GABRR3: variants seen among roughly 807,000 people sequenced by gnomAD.
GABRR3 encodes the protein gamma-aminobutyric acid receptor subunit rho-3.
Under a neutral mutation model 43.2 loss-of-function variants are expected in GABRR3, and 29 were observed. That is an observed-to-expected ratio of 0.67 (90% CI 0.50 to 0.92). The LOEUF (loss-of-function observed/expected upper bound fraction) is 0.92. GABRR3 is among the 40% of genes least tolerant of loss of function. GABRR3 has a pLI of 0.00. For synonymous variants in GABRR3, 206 were observed against 195.9 expected (o/e 1.05, Z -0.43); for missense variants, 576 against 572.3 (o/e 1.01, Z -0.07).
At chr3:98,030,117 A>C (rs1035246413) in intron 2 of GABRR3, among the ~76,000 whole-genome samples, 2 of 149,326 alleles carry the variant, frequency 1.3e-5, no homozygotes, top group African/African-American at 2.4e-5. Flanking sequence ...TGTCTTGGAA[A>C]AAAAAAAAAA....
chr3:98,027,071 C>G (rs992675606), intron 2 of GABRR3, among the ~76,000 whole-genome samples: 2 of 152,080 alleles, frequency 1.3e-5, no homozygotes, highest in Non-Finnish European at 2.9e-5. Context: ...TGAACACATA[C>G]AACTAGTTTT....
intron 7 of GABRR3, among the ~76,000 whole-genome samples, chr3:98,007,178 C>A (rs754973418): frequency 6.6e-6 from 1 of 152,030 alleles, no homozygotes; most frequent in Admixed American, 6.6e-5. Context: ...CTGTTTTACA[C>A]GGGGTTGGTT....
chr3:98,012,515 G>GAA lies in GABRR3; in HGVS notation c.358_359insTT (p.Ser120PhefsTer11). ...GCTTTTGTTTGCTGTGCTAGGAAAG[G>GAA]AGAGCCTCTCGTCTTTCCAGTAATG... is the stretch of plus-strand genomic sequence containing the variant. On this transcript the variant is annotated frameshift_variant, in exon 5 of 10. Coordinates refer to ENST00000621172, the Ensembl canonical transcript of GABRR3. LOFTEE classifies it high-confidence loss of function. 2 of 1,613,966 alleles carry GAA rather than the reference G, an allele frequency of 1.2e-6. No individual in the cohort carries two copies. The highest frequency in any genetic ancestry group is 1.7e-6 in the Non-Finnish European group (2 of 1,179,870).
intron 7 of GABRR3, among the ~76,000 whole-genome samples, chr3:98,002,469 A>G (rs1165190998): frequency 6.6e-6 from 1 of 152,196 alleles, no homozygotes; most frequent in East Asian, 1.9e-4. Context: ...CCCATTGACT[A>G]CAAGGAAGTT....
chr3:98,007,077 C>A (rs148909955), intron 7 of GABRR3, among the ~76,000 whole-genome samples: 82 of 152,166 alleles, frequency 5.4e-4, no homozygotes, highest in African/African-American at 1.9e-3. Flanking sequence ...CCTGGTGAGG[C>A]ACTCACACAA....
In GABRR3 at chr3:98,011,656, G is replaced by A. The variant is rs562076596; in HGVS notation, c.530+688C>T. On this transcript the variant is annotated intron_variant, in intron 5 of 9. Coordinates refer to ENST00000621172, the Ensembl canonical transcript of GABRR3. ...ATATGATAAGCTTCACAGGTTCCAG[G>A]AATTAGGACATGGATATCTTTTGGG... 5.9e-5 allele frequency among the ~76,000 whole-genome samples: 9 copies of A among 151,882 alleles called. No individual in the cohort carries two copies. In the East Asian group the frequency reaches 1.5e-3, roughly 26 times the overall value.
chr3:98,007,812 T>C (rs746122410), exon 7 of GABRR3: 4 of 1,613,546 alleles, frequency 2.5e-6, no homozygotes, highest in African/African-American at 1.3e-5. Context: ...AAGTCTTCAA[T>C]GAAGAACTGA....
intron 2 of GABRR3, among the ~76,000 whole-genome samples, chr3:98,032,065 T>TAGTATAGTAC (rs1399379284): frequency 2.9e-5 from 1 of 34,926 alleles, no homozygotes; most frequent in Non-Finnish European, 7.2e-5. Flanking sequence ...GTCTAGCACA[T>TAGTATAGTAC]AGTATAGTAT....
At chr3:98,001,797 A>C in intron 7 of GABRR3, 30 bp from the exon 8 acceptor site, 1 of 1,611,762 alleles carries the variant, frequency 6.2e-7, no homozygotes, top group Non-Finnish European at 8.5e-7. Context: ...TTTTCATTAG[A>C]GCAAGCTTCC....
intron 7 of GABRR3, among the ~76,000 whole-genome samples, chr3:98,007,144 A>AT (rs1706732081): frequency 1.3e-5 from 2 of 152,264 alleles, no homozygotes; most frequent in East Asian, 3.9e-4. Context: ...GATGACCGAG[A>AT]TAGGGAACGG....
At chr3:98,010,537 C>T (rs937751896) in intron 5 of GABRR3, among the ~76,000 whole-genome samples, 6 of 152,096 alleles carry the variant, frequency 3.9e-5, no homozygotes, top group Admixed American at 6.6e-5. Context: ...TCTGGCTTGG[C>T]CCCCGGACCC....
chr3:97,998,752 A>G (rs1706593028), intron 8 of GABRR3: 1 of 152,172 alleles, frequency 6.6e-6, no homozygotes, highest in Non-Finnish European at 1.5e-5. Context: ...GGTAGACATT[A>G]AATATTTGCA....
Position 98,012,415 on chromosome 3 carries a change from G to T in GABRR3, c.459C>A (p.Phe153Leu). ...TATTCTCCATAGTTGTATCATGGAT[G>T]AAGGATCTTTTAGAGTGGACAAAAA... The change falls in exon 5 of 10, where the codon TTC becomes TTA. Residue 153 changes from phenylalanine to leucine, a missense_variant. Coordinates refer to ENST00000621172, the Ensembl canonical transcript of GABRR3. 2 of 1,613,966 alleles carry T rather than the reference G, an allele frequency of 1.2e-6. No individual in the cohort carries two copies. Among genetic ancestry groups the T allele is most frequent in the Non-Finnish European group, 1.7e-6 (2 of 1,179,862 alleles).
chr3:98,009,024 G>T, exon 6 of GABRR3: 1 of 1,605,060 alleles, frequency 6.2e-7, no homozygotes, highest in Non-Finnish European at 8.5e-7. Flanking sequence ...AAAGCACATG[G>T]CCGAAACCGT....
chr3:98,034,933 G>T, exon 2 of GABRR3: 1 of 1,613,092 alleles, frequency 6.2e-7, no homozygotes, highest in Non-Finnish European at 8.5e-7. Flanking sequence ...CAAACATTTG[G>T]TTTCAATATG....
At chr3:98,028,803 T>C (rs1457560449) in intron 2 of GABRR3, among the ~76,000 whole-genome samples, 1 of 152,100 alleles carries the variant, frequency 6.6e-6, no homozygotes, top group Non-Finnish European at 1.5e-5. Flanking sequence ...GTATAATACA[T>C]TGTACCCCAG....
chr3:98,018,609 T>G (rs1433497745), intron 3 of GABRR3, among the ~76,000 whole-genome samples: 1 of 152,278 alleles, frequency 6.6e-6, no homozygotes, highest in Non-Finnish European at 1.5e-5. Flanking sequence ...AACATTTAGT[T>G]TTGCGATGGA....
At chr3:98,001,615 C>T (rs889223052) in exon 8 of GABRR3, 2 of 1,612,536 alleles carry the variant, frequency 1.2e-6, no homozygotes, top group African/African-American at 1.3e-5. Flanking sequence ...AAAGATTTAC[C>T]CAGGGAAACT....
chr3:98,023,060 T>A (rs993717536), intron 3 of GABRR3, among the ~76,000 whole-genome samples: 4 of 152,084 alleles, frequency 2.6e-5, no homozygotes, highest in Non-Finnish European at 5.9e-5. Context: ...CTGTAAGGTT[T>A]AGGGGAATCA....
Sources: allele counts gnomAD v4.1 joint callset (sites outside exome capture counted in the v4.1 genomes callset), GRCh38; gene constraint gnomAD v4.1.1; transcripts MANE v1.5; gene names NCBI Gene and HGNC (gene_info 2026-07-23, HGNC 2026-07-21).